Variants in TBX5 observed in about 807,000 individuals in gnomAD.
TBX5 encodes the protein T-box transcription factor TBX5.
TBX5 carries 8 observed loss-of-function variants against 51.1 expected under a neutral mutation model. That is an observed-to-expected ratio of 0.16 (90% CI 0.09 to 0.28). TBX5 has a LOEUF of 0.28. Ranked by LOEUF, TBX5 falls within the 10% of genes least tolerant of loss-of-function variation. The pLI is 1.00. For synonymous variants in TBX5, 302 were observed against 266.4 expected (o/e 1.13, Z -1.30); for missense variants, 589 against 671.7 (o/e 0.88, Z 1.36).
intron 6 of TBX5, among the ~76,000 whole-genome samples, chr12:114,389,481 G>A (rs1477800626): frequency 6.6e-6 from 1 of 151,818 alleles, no homozygotes; most frequent in East Asian, 2.0e-4. Flanking sequence ...AAGGCCGGGC[G>A]CGGTGGCTCA....
intron 7 of TBX5, among the ~76,000 whole-genome samples, chr12:114,370,465 T>A (rs1337236380): frequency 6.6e-6 from 1 of 152,122 alleles, no homozygotes; most frequent in Non-Finnish European, 1.5e-5. Flanking sequence ...TCACGCCACC[T>A]AATACTTTAA....
At chr12:114,396,118 G>A (rs1221791966) in intron 5 of TBX5, among the ~76,000 whole-genome samples, 1 of 152,074 alleles carries the variant, frequency 6.6e-6, no homozygotes, top group African/African-American at 2.4e-5. Context: ...GGCCCCGATC[G>A]AGTGGAGGTA....
chr12:114,388,202 G>T (rs1870932193), intron 6 of TBX5, among the ~76,000 whole-genome samples: 1 of 152,150 alleles, frequency 6.6e-6, no homozygotes. Flanking sequence ...CTGTCACTCA[G>T]GCTGGAGTGC....
chr12:114,389,830 C>A (rs1871063416), intron 6 of TBX5, among the ~76,000 whole-genome samples: 1 of 149,636 alleles, frequency 6.7e-6, no homozygotes, highest in South Asian at 2.2e-4. Context: ...CCCAGCCTGC[C>A]CCACCGCAGT....
chr12:114,402,280 C>CAAAA (rs113276288), intron 2 of TBX5, among the ~76,000 whole-genome samples: 3 of 147,938 alleles, frequency 2.0e-5, no homozygotes, highest in African/African-American at 7.4e-5. Flanking sequence ...ACAAACAAAC[C>CAAAA]AAAAAAAAAA....
At chr12:114,367,132 T>A (rs927349789) in intron 7 of TBX5, among the ~76,000 whole-genome samples, 1 of 151,432 alleles carries the variant, frequency 6.6e-6, no homozygotes, top group Non-Finnish European at 1.5e-5. Context: ...GTCATTACTG[T>A]TATTGTTTTG....
intron 7 of TBX5, among the ~76,000 whole-genome samples, chr12:114,379,933 C>G (rs996525030): frequency 4.6e-5 from 7 of 152,212 alleles, no homozygotes; most frequent in Non-Finnish European, 4.4e-5. Context: ...CTCCTGGAAT[C>G]CCTTCTATCT....
At chr12:114,391,928 G>A (rs1312280039) in intron 6 of TBX5, among the ~76,000 whole-genome samples, 1 of 152,136 alleles carries the variant, frequency 6.6e-6, no homozygotes, top group East Asian at 1.9e-4. Context: ...GAAGAAGTGG[G>A]GGAGGGTAAC....
intron 7 of TBX5, among the ~76,000 whole-genome samples, chr12:114,381,293 T>C (rs1236297701): frequency 1.3e-5 from 2 of 152,168 alleles, no homozygotes; most frequent in East Asian, 1.9e-4. Flanking sequence ...ATTTCATCCC[T>C]CCTGCTTTTC....
chr12:114,403,871 G>T lies in TBX5; in HGVS notation c.28C>A (p.Leu10Met), dbSNP rs1406353614. 1.9e-6 allele frequency: 3 copies of T among 1,613,612 alleles called. No individual in the cohort carries two copies. Among genetic ancestry groups the T allele is most frequent in the Non-Finnish European group, 2.5e-6 (3 of 1,179,934 alleles). The change falls in exon 2 of 9, where the codon CTG becomes ATG. Residue 10 changes from leucine to methionine, a missense_variant. Around this residue, in one of 7 missense-constraint regions of TBX5, gnomAD observed 101 missense variants for 83.3 expected, o/e 1.21. Coordinates refer to ENST00000405440, the MANE Select transcript of TBX5 (RefSeq NM_181486.4). ...TCAGGCTCCAGAGGCGTGTGCGCCA[G>T]GCCAAAGCCCTCGTCTGCGTCGGCC... MADADEGFG[L>M]AHTPLEPDAK...
chr12:114,376,349 T>C (rs1593857635), intron 7 of TBX5, among the ~76,000 whole-genome samples: 1 of 152,074 alleles, frequency 6.6e-6, no homozygotes, highest in African/African-American at 2.4e-5. Flanking sequence ...TGAGACAACA[T>C]GAATGAACCT....
At chr12:114,373,152 T>A (rs1870010433) in intron 7 of TBX5, among the ~76,000 whole-genome samples, 1 of 152,154 alleles carries the variant, frequency 6.6e-6, no homozygotes, top group Admixed American at 6.5e-5. Flanking sequence ...TTAGAGCTGA[T>A]CACTTTTTCT....
At chr12:114,375,477 G>T (rs1870138125) in intron 7 of TBX5, among the ~76,000 whole-genome samples, 1 of 152,036 alleles carries the variant, frequency 6.6e-6, no homozygotes, top group Admixed American at 6.6e-5. Flanking sequence ...ATGGGCAAAA[G>T]ACCTGAATAG....
At position 114,366,247 on chromosome 12, in the gene TBX5, G is replaced by A. The variant is rs755387654; in HGVS notation, c.900C>T (p.Pro300=). ...TGGGTGGAGGCAGGAGGTCCTGGGAGGGGCCGGAAACACCATTCTCACACT... is the reference window on the plus strand; with the variant it reads ...TGGGTGGAGGCAGGAGGTCCTGGGAAGGGCCGGAAACACCATTCTCACACT... ...QYQCENGVSG[P]SQDLLPPPNP... is the part of the protein sequence containing the mutation. Residue 300 remains proline, a synonymous_variant, in exon 8 of 9, where the codon CCC becomes CCT. Transcript: ENST00000405440. The A allele has an allele frequency of 1.2e-6, 2 of 1,614,088 alleles. No homozygotes were observed. Among genetic ancestry groups the A allele is most frequent in the Non-Finnish European group, 1.7e-6 (2 of 1,180,008 alleles).
At chr12:114,359,922 C>T (rs16944097) in intron 8 of TBX5, among the ~76,000 whole-genome samples, 1 of 152,142 alleles carries the variant, frequency 6.6e-6, no homozygotes, top group African/African-American at 2.4e-5. Flanking sequence ...TGGGTCCATT[C>T]TCTTTTCCCT....
chr12:114,391,517 C>T lies in TBX5; in HGVS notation c.663+3224G>A, dbSNP rs142286139. Among the ~76,000 whole-genome samples, 576 of 152,262 alleles carry T rather than the reference C, an allele frequency of 3.8e-3. 3 individuals are homozygous for T. Among genetic ancestry groups the T allele is most frequent in the African/African-American group, 0.013 (530 of 41,534 alleles). ...GCCAGGTCCCACATGACACACTTGCCGGGAATTATCTCATTGAATCTTCAC... is the reference window on the plus strand; with the variant it reads ...GCCAGGTCCCACATGACACACTTGCTGGGAATTATCTCATTGAATCTTCAC... On this transcript the variant is annotated intron_variant, in intron 6 of 8. Transcript: ENST00000405440.
At chr12:114,394,086 C>T (rs145913447) in intron 6 of TBX5, among the ~76,000 whole-genome samples, 49 of 152,284 alleles carry the variant, frequency 3.2e-4, no homozygotes, top group Non-Finnish European at 2.5e-4. Flanking sequence ...GTGGGAGGAT[C>T]ACTTGAGGCC....
intron 7 of TBX5, among the ~76,000 whole-genome samples, chr12:114,369,661 A>G (rs1869746504): frequency 1.3e-5 from 2 of 152,230 alleles, no homozygotes; most frequent in African/African-American, 2.4e-5. Context: ...AGAAATCTCT[A>G]AAGTCCTCCA....
At chr12:114,382,514 T>C (rs1415348159) in intron 7 of TBX5, among the ~76,000 whole-genome samples, 1 of 151,788 alleles carries the variant, frequency 6.6e-6, no homozygotes, top group African/African-American at 2.4e-5. Context: ...AAATACAAAT[T>C]TAGGCTAGGC....
Sources: allele counts gnomAD v4.1 joint callset (sites outside exome capture counted in the v4.1 genomes callset), GRCh38; gene constraint gnomAD v4.1.1; regional missense constraint gnomAD v4.1.1; transcripts MANE v1.5; gene names NCBI Gene and HGNC (gene_info 2026-07-23, HGNC 2026-07-21).